The following RIPOR2 variants were observed in gnomAD, a reference collection of about 807,000 sequenced individuals.
The protein encoded by RIPOR2 is RHO family interacting cell polarization regulator 2.
RIPOR2 carries 39 observed loss-of-function variants against 114.5 expected under a neutral mutation model. That is an observed-to-expected ratio of 0.34 (90% CI 0.26 to 0.44). The LOEUF is 0.44. RIPOR2 is among the 20% of genes least tolerant of loss of function. RIPOR2 has a pLI of 1.00. For synonymous variants in RIPOR2, 445 were observed against 484.4 expected (o/e 0.92, Z 1.07); for missense variants, 1,007 against 1,255.1 (o/e 0.80, Z 2.99).
chr6:24,910,233 C>T (rs1303208236), intron 1 of RIPOR2, among the ~76,000 whole-genome samples: 2 of 152,150 alleles, frequency 1.3e-5, no homozygotes, highest in African/African-American at 4.8e-5. Context: ...TCCTTTCTTG[C>T]CCCTCTTCCC....
intron 1 of RIPOR2, among the ~76,000 whole-genome samples, chr6:24,947,318 C>T (rs919199710): frequency 6.6e-6 from 1 of 152,134 alleles, no homozygotes; most frequent in African/African-American, 2.4e-5. Context: ...GTCAGGCATC[C>T]AGGAAGAACT....
intron 1 of RIPOR2, among the ~76,000 whole-genome samples, chr6:24,891,298 G>C (rs967834407): frequency 6.6e-6 from 1 of 152,096 alleles, no homozygotes; most frequent in African/African-American, 2.4e-5. Flanking sequence ...CATACCAAAA[G>C]GTAGCCACAT....
intron 1 of RIPOR2, among the ~76,000 whole-genome samples, chr6:24,901,560 T>C (rs1421340404): frequency 5.3e-5 from 8 of 152,184 alleles, no homozygotes; most frequent in Non-Finnish European, 1.2e-4. Context: ...CATGGGAGCC[T>C]GAAAAGGGAG....
intron 17 of RIPOR2, among the ~76,000 whole-genome samples, chr6:24,829,589 T>C (rs1204907486): frequency 6.6e-6 from 1 of 152,210 alleles, no homozygotes; most frequent in Non-Finnish European, 1.5e-5. Flanking sequence ...AAAACATCAC[T>C]GCGTTCCCCC....
At chr6:24,862,181 G>A (rs1006019994) in intron 7 of RIPOR2, among the ~76,000 whole-genome samples, 4 of 152,208 alleles carry the variant, frequency 2.6e-5, no homozygotes, top group Admixed American at 6.5e-5. Context: ...AAAGTGCTGC[G>A]GCCATGGGCC....
intron 6 of RIPOR2, among the ~76,000 whole-genome samples, chr6:24,866,518 ATTTTT>A (rs59177662): frequency 1.5e-5 from 2 of 136,752 alleles, no homozygotes; most frequent in Non-Finnish European, 1.6e-5. Context: ...AGGGTTGAAA[ATTTTT>A]TTTTTTTTTT....
chr6:24,845,975 T>G (rs1350412614), intron 12 of RIPOR2, among the ~76,000 whole-genome samples: 1 of 152,154 alleles, frequency 6.6e-6, no homozygotes, highest in African/African-American at 2.4e-5. Flanking sequence ...GATGGGCTTG[T>G]GGTGGGCTGT....
intron 1 of RIPOR2, among the ~76,000 whole-genome samples, chr6:24,946,426 C>T (rs1242674906): frequency 6.6e-6 from 1 of 151,988 alleles, no homozygotes; most frequent in Non-Finnish European, 1.5e-5. Context: ...TACATACCTT[C>T]ACGCATTGGA....
chr6:24,958,082 A>C (rs1773125627), intron 1 of RIPOR2, among the ~76,000 whole-genome samples: 1 of 152,202 alleles, frequency 6.6e-6, no homozygotes, highest in African/African-American at 2.4e-5. Context: ...AAATATACAC[A>C]AAGATGTGTT....
At chr6:24,988,995 A>C (rs7740315) in intron 1 of RIPOR2, among the ~76,000 whole-genome samples, 93,771 of 151,944 alleles carry the variant, frequency 0.62, 29,100 homozygotes, top group East Asian at 0.81. Context: ...TAAATATATA[A>C]CATATTTAGA....
intron 1 of RIPOR2, among the ~76,000 whole-genome samples, chr6:24,965,578 T>C (rs1042031277): frequency 1.3e-5 from 2 of 152,236 alleles, no homozygotes; most frequent in African/African-American, 4.8e-5. Flanking sequence ...ATATTAAACA[T>C]GACCATCTTA....
intron 9 of RIPOR2, among the ~76,000 whole-genome samples, chr6:24,852,249 G>T (rs186982683): frequency 6.6e-6 from 1 of 151,906 alleles, no homozygotes; most frequent in African/African-American, 2.4e-5. Flanking sequence ...GCAACAGAGC[G>T]AGACTCCATC....
At chr6:24,850,846 C>T (rs1316442957) in intron 9 of RIPOR2, 124 bp from the exon 10 acceptor site, 2 of 1,098,628 alleles carry the variant, frequency 1.8e-6, no homozygotes, top group African/African-American at 1.5e-5. Context: ...TACTCTCCCT[C>T]CACCCCCTTA....
chr6:24,988,753 G>T (rs1178494465), intron 1 of RIPOR2, among the ~76,000 whole-genome samples: 1 of 151,980 alleles, frequency 6.6e-6, no homozygotes, highest in African/African-American at 2.4e-5. Context: ...CCATGTTTAT[G>T]TTACAATCAT....
rs1174846887 is a variant in RIPOR2, at chr6:25,037,935, A to G, written c.76+3916T>C. Among the ~76,000 whole-genome samples the G allele has an allele frequency of 3.3e-5, 5 of 152,308 alleles. No individual in the cohort carries two copies. Among genetic ancestry groups the G allele is most frequent in the Middle Eastern group, 3.4e-3 (1 of 294 alleles). On this transcript the variant is annotated intron_variant, in intron 1 of 13. Coordinates refer to the RIPOR2 transcript ENST00000510784. This position sits in a 1 kb window ranked among gnomAD's most constrained non-coding sequence, Gnocchi z 4.5. The stretch of plus-strand genomic sequence containing the variant: ...AAATAATATGTGGGGATCATTGTTA[A>G]TTTTATTACGCAGTTATGTAGAAAA...
chr6:24,853,396 G>A (rs558935010), intron 8 of RIPOR2, among the ~76,000 whole-genome samples: 1 of 152,318 alleles, frequency 6.6e-6, no homozygotes, highest in African/African-American at 2.4e-5. Flanking sequence ...GGTTTGTCCA[G>A]TCTTTTTCTT....
At chr6:24,873,085 G>A (rs1765375822) in intron 3 of RIPOR2, 126 bp from the exon 4 acceptor site, 3 of 648,086 alleles carry the variant, frequency 4.6e-6, no homozygotes, top group Admixed American at 2.6e-5. Flanking sequence ...TGGGCAGGAG[G>A]CTTTGTATTT....
At chr6:24,972,230 C>T (rs1163118612) in intron 1 of RIPOR2, among the ~76,000 whole-genome samples, 1 of 152,114 alleles carries the variant, frequency 6.6e-6, no homozygotes, top group Non-Finnish European at 1.5e-5. Context: ...TGTTAGCAGT[C>T]TATGGAGAAA....
intron 15 of RIPOR2, among the ~76,000 whole-genome samples, chr6:24,833,035 G>A (rs921651658): frequency 6.6e-6 from 1 of 152,146 alleles, no homozygotes; most frequent in African/African-American, 2.4e-5. Flanking sequence ...GGTCACATAA[G>A]TTGTAAGTGG....
Sources: gnomAD v4.1 joint callset for allele counts (sites outside exome capture counted in the v4.1 genomes callset) on GRCh38, gnomAD v4.1.1 for gene constraint, Gnocchi (gnomAD v3.1) non-coding constraint, MANE v1.5 for transcripts, NCBI Gene and HGNC (gene_info 2026-07-23, HGNC 2026-07-21) for gene names.